PELI2: variants seen among roughly 807,000 people sequenced by gnomAD.
PELI2 encodes the protein pellino E3 ubiquitin protein ligase family member 2.
In PELI2, 23 loss-of-function variants were observed where a neutral mutation model predicts 42.3. The ratio of observed to expected loss-of-function variants is 0.54; its 90% CI spans 0.39 to 0.77. The LOEUF is 0.77. Ranked by LOEUF, PELI2 falls within the 30% of genes least tolerant of loss-of-function variation. The pLI is 0.00. For missense variants in PELI2, 463 were observed against 553.2 expected (o/e 0.84, Z 1.64); for synonymous variants, 245 against 212.2 (o/e 1.15, Z -1.34).
intron 1 of PELI2, among the ~76,000 whole-genome samples, chr14:56,122,724 T>A (rs1281232295): frequency 1.3e-5 from 2 of 152,150 alleles, no homozygotes; most frequent in Admixed American, 1.3e-4. Flanking sequence ...GAAAAACATG[T>A]CTTGATTTTC....
intron 2 of PELI2, among the ~76,000 whole-genome samples, chr14:56,216,723 C>T (rs1886917161): frequency 6.6e-6 from 1 of 152,206 alleles, no homozygotes; most frequent in South Asian, 2.1e-4. Context: ...AGGCTGTGTT[C>T]AGAGTTCCAT....
intron 2 of PELI2, among the ~76,000 whole-genome samples, chr14:56,229,585 A>G (rs1887483935): frequency 6.6e-6 from 1 of 152,244 alleles, no homozygotes; most frequent in Admixed American, 6.5e-5. Flanking sequence ...CCAAAACCCC[A>G]TCTGTACGTC....
At chr14:56,129,289 A>G (rs957088265) in intron 1 of PELI2, among the ~76,000 whole-genome samples, 2 of 152,036 alleles carry the variant, frequency 1.3e-5, no homozygotes, top group African/African-American at 4.8e-5. Flanking sequence ...TTTCCCTCCT[A>G]CCTTTGTCTC....
At chr14:56,235,549 G>A (rs1308427740) in intron 2 of PELI2, among the ~76,000 whole-genome samples, 1 of 152,202 alleles carries the variant, frequency 6.6e-6, no homozygotes, top group African/African-American at 2.4e-5. Context: ...AACTGTCCTA[G>A]TCTCAGACTG....
intron 2 of PELI2, among the ~76,000 whole-genome samples, chr14:56,234,114 A>C (rs1887692768): frequency 6.6e-6 from 1 of 152,216 alleles, no homozygotes; most frequent in South Asian, 2.1e-4. Flanking sequence ...GGTGCTGGAG[A>C]GGATGTGGAG....
At chr14:56,295,661 CT>C (rs1187689302) in intron 5 of PELI2, among the ~76,000 whole-genome samples, 1 of 152,232 alleles carries the variant, frequency 6.6e-6, no homozygotes, top group African/African-American at 2.4e-5. Flanking sequence ...ACACAACCAC[CT>C]TTTCTAAAGT....
chr14:56,137,040 T>C (rs1434957041), intron 1 of PELI2, among the ~76,000 whole-genome samples: 1 of 152,222 alleles, frequency 6.6e-6, no homozygotes, highest in Non-Finnish European at 1.5e-5. Flanking sequence ...ACAGGTTTGC[T>C]TGGGTGTTAC....
intron 2 of PELI2, among the ~76,000 whole-genome samples, chr14:56,234,547 A>G (rs1317398294): frequency 1.3e-5 from 2 of 152,182 alleles, no homozygotes; most frequent in African/African-American, 2.4e-5. Context: ...TGGGAATTGA[A>G]CAATGAGAAC....
chr14:56,293,296 C>T (rs555408839), intron 5 of PELI2, among the ~76,000 whole-genome samples: 1 of 152,280 alleles, frequency 6.6e-6, no homozygotes, highest in South Asian at 2.1e-4. Flanking sequence ...AATTCCTGTG[C>T]CTGCTCATAG....
intron 2 of PELI2, among the ~76,000 whole-genome samples, chr14:56,208,692 A>G (rs544587577): frequency 8.1e-4 from 123 of 152,354 alleles, no homozygotes; most frequent in African/African-American, 2.7e-3. Flanking sequence ...AGTTTTTATT[A>G]TGCATGATGA....
At chr14:56,132,037 G>C (rs1883505093) in intron 1 of PELI2, among the ~76,000 whole-genome samples, 1 of 152,130 alleles carries the variant, frequency 6.6e-6, no homozygotes, top group South Asian at 2.1e-4. Context: ...TTATAAATTA[G>C]TAAATTGAAC....
intron 1 of PELI2, among the ~76,000 whole-genome samples, chr14:56,126,985 G>A (rs1012833404): frequency 6.6e-6 from 1 of 152,184 alleles, no homozygotes; most frequent in African/African-American, 2.4e-5. Flanking sequence ...GTCTCCTCGG[G>A]TTGTTGATCA....
intron 2 of PELI2, among the ~76,000 whole-genome samples, chr14:56,259,291 C>T (rs561309982): frequency 5.3e-5 from 8 of 152,068 alleles, no homozygotes; most frequent in South Asian, 2.1e-4. Flanking sequence ...GAGTACTAGA[C>T]GTGGTAAAAA....
Position 56,198,011 on chromosome 14 carries a change from CA to C in PELI2, c.207+19548del, listed in dbSNP as rs1886200911. Among the ~76,000 whole-genome samples, 38 of 81,124 alleles carry C rather than the reference CA, an allele frequency of 4.7e-4. No individual in the cohort carries two copies. In the East Asian group the frequency reaches 0.018, roughly 39 times the overall value. The allele number at this position is 81,124 out of a possible 152,430, so 53.2% of individuals were successfully genotyped here. A position where few individuals can be genotyped will look rare whatever the true frequency, so the allele number is the denominator to read the frequency against. On this transcript the variant is annotated intron_variant, in intron 2 of 5. Coordinates refer to ENST00000267460, the MANE Select transcript of PELI2 (RefSeq NM_021255.3). ...ACACACACACACACACACACACACA[CA>C]CCCACCTCTTTGGTCCACTTCTCTA...
chr14:56,127,791 G>C (rs527320650), intron 1 of PELI2, among the ~76,000 whole-genome samples: 2 of 152,284 alleles, frequency 1.3e-5, no homozygotes, highest in East Asian at 3.9e-4. Context: ...GGGAATTTTA[G>C]CATTTTTCAT....
At chr14:56,263,756 A>G (rs922012289) in intron 2 of PELI2, among the ~76,000 whole-genome samples, 1 of 152,194 alleles carries the variant, frequency 6.6e-6, no homozygotes, top group Non-Finnish European at 1.5e-5. Context: ...TATTGTTCTT[A>G]TTAGAGAGTT....
intron 1 of PELI2, among the ~76,000 whole-genome samples, chr14:56,172,286 AG>A (rs1417511350): frequency 6.6e-6 from 1 of 152,138 alleles, no homozygotes; most frequent in Non-Finnish European, 1.5e-5. Flanking sequence ...GGTGGCTGGA[AG>A]GGTGGGCTCT....
chr14:56,221,212 C>T (rs1304367243), intron 2 of PELI2, among the ~76,000 whole-genome samples: 1 of 152,146 alleles, frequency 6.6e-6, no homozygotes, highest in African/African-American at 2.4e-5. Context: ...AAGGGCCTAC[C>T]TAAGGAGGAT....
chr14:56,263,763 A>G (rs1238157645), intron 2 of PELI2, among the ~76,000 whole-genome samples: 4 of 152,154 alleles, frequency 2.6e-5, no homozygotes, highest in Non-Finnish European at 4.4e-5. Context: ...CTTATTAGAG[A>G]GTTAATGGGT....
Sources: gnomAD v4.1 joint callset for allele counts (sites outside exome capture counted in the v4.1 genomes callset) on GRCh38, gnomAD v4.1.1 for gene constraint, MANE v1.5 for transcripts, NCBI Gene and HGNC (gene_info 2026-07-23, HGNC 2026-07-21) for gene names.